RGS20: variants seen among roughly 807,000 people sequenced by gnomAD.
RGS20 encodes regulator of G protein signaling 20.
Under a neutral mutation model 33.6 loss-of-function variants are expected in RGS20, and 30 were observed. That is an observed-to-expected ratio of 0.89 (90% CI 0.67 to 1.21). The LOEUF (loss-of-function observed/expected upper bound fraction) is 1.21. Among genes scored for constraint, RGS20 ranks in the 50% most tolerant of loss-of-function variants. The pLI, the probability that RGS20 is intolerant of heterozygous loss-of-function variation, is 0.00. For missense variants in RGS20, 472 were observed against 502.4 expected (o/e 0.94, Z 0.58); for synonymous variants, 208 against 197.9 (o/e 1.05, Z -0.43).
chr8:53,898,367 C>A (rs1269918676), intron 2 of RGS20, among the ~76,000 whole-genome samples: 2 of 152,134 alleles, frequency 1.3e-5, no homozygotes, highest in Non-Finnish European at 2.9e-5. Flanking sequence ...AGGAGTGTTA[C>A]CCTTTTTCTT....
chr8:53,893,310 G>C (rs894647773), intron 2 of RGS20, among the ~76,000 whole-genome samples: 1 of 151,578 alleles, frequency 6.6e-6, no homozygotes, highest in African/African-American at 2.4e-5. Context: ...TATGGCATTT[G>C]CTTCTTGAAA....
rs1031095854 is a variant in RGS20, at chr8:53,950,620, G to T, written c.744-3456G>T. On this transcript the variant is annotated intron_variant, in intron 4 of 5. Coordinates refer to ENST00000297313, the MANE Select transcript of RGS20 (RefSeq NM_170587.4). ...TGATAAGAATTGACATTAATGTTTTGTTTTTTTTTTTTTAGACAGGGTCTC... is the reference window on the plus strand; with the variant it reads ...TGATAAGAATTGACATTAATGTTTTTTTTTTTTTTTTTTAGACAGGGTCTC... 1.0e-3 allele frequency among the ~76,000 whole-genome samples: 143 copies of T among 141,468 alleles called. 1 individual carries two copies. Among genetic ancestry groups the T allele is most frequent in the Non-Finnish European group, 1.5e-3 (94 of 64,108 alleles). 92.8% of individuals were successfully genotyped at this position (141,468 alleles called of 152,430 possible).
intron 3 of RGS20, among the ~76,000 whole-genome samples, chr8:53,941,723 C>A (rs1375328239): frequency 2.0e-5 from 3 of 152,090 alleles, no homozygotes; most frequent in African/African-American, 7.2e-5. Flanking sequence ...GAAAACCTTA[C>A]CAACACGTGA....
chr8:53,881,042 GGCC>G lies in RGS20; in HGVS notation c.510+1442_510+1444del, dbSNP rs201945532. 1.3e-3 allele frequency: 1,990 copies of G among 1,567,014 alleles called. 18 individuals carry two copies. The African/African-American group carries it at 0.024, about 19-fold the overall frequency. On this transcript the variant is annotated intron_variant, in intron 2 of 5. Transcript: ENST00000297313. ...TGCGCACGGCGGACGGAGGCGAGCC[GGCC>G]GGGGCTTCCTCCCCGGCCGGCAGGG...
intron 2 of RGS20, among the ~76,000 whole-genome samples, chr8:53,932,349 C>T (rs114669215): frequency 3.3e-5 from 5 of 152,276 alleles, no homozygotes; most frequent in East Asian, 1.9e-4. Flanking sequence ...CCCACCCCCA[C>T]GGAACCCAGC....
At chr8:53,938,284 C>T (rs931407270) in intron 2 of RGS20, among the ~76,000 whole-genome samples, 2 of 152,162 alleles carry the variant, frequency 1.3e-5, no homozygotes, top group South Asian at 2.1e-4. Context: ...AACACAAGAA[C>T]AGAAAACCAA....
chr8:53,859,335 T>A (rs1811756948), intron 1 of RGS20, among the ~76,000 whole-genome samples: 1 of 152,200 alleles, frequency 6.6e-6, no homozygotes, highest in African/African-American at 2.4e-5. Flanking sequence ...ATATCCCATA[T>A]GAAAATCAAA....
rs745947023 is a variant in RGS20, at chr8:53,939,645, G to A, written c.580G>A (p.Ala194Thr). 4 of 1,598,996 alleles carry A rather than the reference G, an allele frequency of 2.5e-6. No homozygotes were observed. The highest frequency in any genetic ancestry group is 1.7e-6 in the Non-Finnish European group (2 of 1,173,820). The change falls in exon 3 of 6, where the codon GCC (alanine) becomes ACC (threonine). Residue 194 changes from alanine (A) to threonine (T), a missense_variant. Ala to Thr is a moderately conservative substitution (Grantham distance 58, BLOSUM62 0). Around this residue, in one of 3 missense-constraint regions of RGS20, gnomAD observed 319 missense variants for 283.4 expected, o/e 1.13. Transcript: ENST00000297313. ...CGCCGCCCAGGACACACCAGGCGCC[G>A]CCCCAGGCCAGCCCGGAGCGGGGAG...
intron 2 of RGS20, among the ~76,000 whole-genome samples, chr8:53,923,519 C>T (rs546860239): frequency 2.6e-5 from 4 of 151,674 alleles, no homozygotes; most frequent in East Asian, 1.9e-4. Flanking sequence ...CACTTGAGCC[C>T]GGGAGGCAAA....
chr8:53,854,182 A>G (rs1041416249), intron 1 of RGS20, among the ~76,000 whole-genome samples: 5 of 152,218 alleles, frequency 3.3e-5, no homozygotes, highest in African/African-American at 1.2e-4. Flanking sequence ...GGTGAAGAAT[A>G]CACAGACACC....
intron 2 of RGS20, among the ~76,000 whole-genome samples, chr8:53,898,236 G>A (rs1389407489): frequency 6.6e-6 from 1 of 152,178 alleles, no homozygotes; most frequent in Non-Finnish European, 1.5e-5. Flanking sequence ...TTTGGAGAAT[G>A]TTCCAGGTGA....
chr8:53,947,312 T>C (rs10092283), intron 4 of RGS20, among the ~76,000 whole-genome samples: 4,596 of 139,222 alleles, frequency 0.033, 250 homozygotes, highest in African/African-American at 0.11. Context: ...TAAGATATAG[T>C]ATATATATTA....
intron 4 of RGS20, among the ~76,000 whole-genome samples, chr8:53,950,588 G>A (rs1387280179): frequency 2.0e-5 from 3 of 151,372 alleles, no homozygotes; most frequent in African/African-American, 7.3e-5. Context: ...ATAAATGGAG[G>A]ATAGAATGAT....
intron 2 of RGS20, among the ~76,000 whole-genome samples, chr8:53,889,754 TGTGCAC>T (rs1469519567): frequency 6.7e-6 from 1 of 148,318 alleles, no homozygotes; most frequent in African/African-American, 2.5e-5. Context: ...TGTGTGTGTG[TGTGCAC>T]GTGCTGCAAA....
chr8:53,867,879 C>A (rs953147776), intron 1 of RGS20, among the ~76,000 whole-genome samples: 27 of 152,138 alleles, frequency 1.8e-4, no homozygotes, highest in Non-Finnish European at 5.9e-5. Context: ...CACGCCACCA[C>A]ACCTGTCTAA....
chr8:53,894,372 C>T (rs1812795647), intron 2 of RGS20, among the ~76,000 whole-genome samples: 1 of 152,138 alleles, frequency 6.6e-6, no homozygotes, highest in African/African-American at 2.4e-5. Context: ...CTGTAGAAAA[C>T]TAAAACCTCG....
chr8:53,862,791 C>A (rs931214960), intron 1 of RGS20, among the ~76,000 whole-genome samples: 1 of 151,964 alleles, frequency 6.6e-6, no homozygotes, highest in Non-Finnish European at 1.5e-5. Flanking sequence ...GGAGTGAGAC[C>A]CTATCTCTAA....
At chr8:53,953,401 G>A (rs937729981) in intron 4 of RGS20, among the ~76,000 whole-genome samples, 1 of 151,866 alleles carries the variant, frequency 6.6e-6, no homozygotes, top group Non-Finnish European at 1.5e-5. Flanking sequence ...CGTGCCTGCA[G>A]GGTCTGCTAC....
intron 3 of RGS20, among the ~76,000 whole-genome samples, chr8:53,944,924 T>C (rs751626255): frequency 1.3e-5 from 2 of 152,188 alleles, no homozygotes; most frequent in Non-Finnish European, 2.9e-5. Context: ...ATACCACTTC[T>C]CACCCACTTA....
Sources: allele counts gnomAD v4.1 joint callset (sites outside exome capture counted in the v4.1 genomes callset), GRCh38; gene constraint gnomAD v4.1.1; regional missense constraint gnomAD v4.1.1; transcripts MANE v1.5; gene names NCBI Gene and HGNC (gene_info 2026-07-23, HGNC 2026-07-21).